Variants in HIBADH observed in about 807,000 individuals in gnomAD.
HIBADH encodes the protein 3-hydroxyisobutyrate dehydrogenase.
Under a neutral mutation model 36.1 loss-of-function variants are expected in HIBADH, and 25 were observed. That is an observed-to-expected ratio of 0.69 (90% CI 0.50 to 0.97). The LOEUF is 0.97. HIBADH is among the 50% of genes least tolerant of loss of function. HIBADH has a pLI of 0.00. For missense variants in HIBADH, 421 were observed against 418.0 expected, an observed-to-expected ratio of 1.01 and a Z score of -0.06; for synonymous variants, 160 against 149.5, an observed-to-expected ratio of 1.07 and a Z score of -0.51.
chr7:27,613,885 C>T (rs1297544331), intron 4 of HIBADH, among the ~76,000 whole-genome samples: 1 of 152,072 alleles, frequency 6.6e-6, no homozygotes, highest in African/African-American at 2.4e-5. Context: ...GTCTCAAACT[C>T]CTGGGCCCCA....
chr7:27,550,448 C>A (rs1251883534), intron 4 of HIBADH, among the ~76,000 whole-genome samples: 1 of 152,188 alleles, frequency 6.6e-6, no homozygotes, highest in Admixed American at 6.5e-5. Flanking sequence ...GTCTCCTCAT[C>A]TAACCCTTGC....
intron 6 of HIBADH, among the ~76,000 whole-genome samples, chr7:27,537,603 C>A (rs1440281116): frequency 2.0e-5 from 3 of 151,874 alleles, no homozygotes; most frequent in African/African-American, 7.3e-5. Context: ...ATAAAACATT[C>A]AAAAATTAAT....
At chr7:27,577,846 G>A (rs1433557467) in intron 4 of HIBADH, among the ~76,000 whole-genome samples, 1 of 152,176 alleles carries the variant, frequency 6.6e-6, no homozygotes, top group African/African-American at 2.4e-5. Flanking sequence ...GAACACATGG[G>A]TGTGGAGTGC....
At chr7:27,547,681 G>A (rs1583563240) in intron 4 of HIBADH, among the ~76,000 whole-genome samples, 1 of 152,144 alleles carries the variant, frequency 6.6e-6, no homozygotes, top group East Asian at 1.9e-4. Context: ...TGCTCACCCT[G>A]TTTCTTCATC....
rs547889025 is a variant in HIBADH, at chr7:27,590,524, G to C, written c.484+38847C>G. ...TTTCAGAAGCACTAAAAAACATCAA[G>C]GTTTCTCATGGAACCAAGTCAGCAA... On this transcript the variant is annotated intron_variant, in intron 4 of 7. Transcript: ENST00000265395. Among the ~76,000 whole-genome samples, 77 of 152,150 alleles carry C rather than the reference G, an allele frequency of 5.1e-4. No homozygotes were observed. The South Asian group carries it at 0.016, about 31-fold the overall frequency.
chr7:27,628,553 A>G lies in HIBADH; in HGVS notation c.484+818T>C, dbSNP rs1785688424. Among the ~76,000 whole-genome samples, 5 of 152,240 alleles carry G rather than the reference A, an allele frequency of 3.3e-5. No individual in the cohort carries two copies. In the South Asian group the frequency reaches 1.0e-3, roughly 32 times the overall value. ...ATTCCAAACTACCCAGATACCTGCT[A>G]TTAATGTATGAGTTAATAGTAAATT... is the stretch of plus-strand genomic sequence containing the variant. On this transcript the variant is annotated intron_variant, in intron 4 of 7. Coordinates refer to ENST00000265395, the MANE Select transcript of HIBADH (RefSeq NM_152740.4).
chr7:27,590,641 G>C (rs1784924877), intron 4 of HIBADH, among the ~76,000 whole-genome samples: 1 of 152,092 alleles, frequency 6.6e-6, no homozygotes, highest in Non-Finnish European at 1.5e-5. Context: ...AATCCCTTTA[G>C]AGCTCTACAT....
chr7:27,574,612 T>C (rs1414176555), intron 4 of HIBADH, among the ~76,000 whole-genome samples: 1 of 152,132 alleles, frequency 6.6e-6, no homozygotes, highest in South Asian at 2.1e-4. Context: ...GCTGCTCTAA[T>C]AGAGAAAAAA....
At chr7:27,529,767 G>A (rs1433987167) in intron 7 of HIBADH, among the ~76,000 whole-genome samples, 1 of 152,214 alleles carries the variant, frequency 6.6e-6, no homozygotes, top group Non-Finnish European at 1.5e-5. Flanking sequence ...TCTACTGTGG[G>A]TAAAATGCTA....
Position 27,662,835 on chromosome 7 carries a change from G to C in HIBADH, c.-47C>G. 3 of 1,396,436 alleles carry C rather than the reference G, an allele frequency of 2.1e-6. No homozygotes were observed. The highest frequency in any genetic ancestry group is 2.8e-5 in the South Asian group (2 of 72,038). The allele number at this position is 1,396,436 out of a possible 1,614,324, so 86.5% of individuals were successfully genotyped here. A position where few individuals can be genotyped will look rare whatever the true frequency, so the allele number is the denominator to read the frequency against. On this transcript the variant is annotated 5_prime_UTR_variant, in exon 1 of 8. Transcript: ENST00000265395. ...GCGGTGACCTCCGCCGCCTCCCGGAGGGCCCACAGACTGCGAGCGTGTGCA... is the reference window on the plus strand; with the variant it reads ...GCGGTGACCTCCGCCGCCTCCCGGACGGCCCACAGACTGCGAGCGTGTGCA...
At chr7:27,648,417 A>G (rs898508312) in intron 2 of HIBADH, among the ~76,000 whole-genome samples, 6 of 152,228 alleles carry the variant, frequency 3.9e-5, no homozygotes, top group Admixed American at 2.6e-4. Flanking sequence ...GGAAAGGAAA[A>G]AGATTCAGAT....
At chr7:27,576,811 T>G (rs1784717553) in intron 4 of HIBADH, among the ~76,000 whole-genome samples, 1 of 152,160 alleles carries the variant, frequency 6.6e-6, no homozygotes, top group East Asian at 1.9e-4. Flanking sequence ...ACCGTGGGGC[T>G]GGGTGTTTGG....
chr7:27,534,746 A>G (rs567732066), intron 6 of HIBADH, among the ~76,000 whole-genome samples: 1 of 152,196 alleles, frequency 6.6e-6, no homozygotes, highest in East Asian at 1.9e-4. Context: ...GAGACATGTT[A>G]GGAAGAAAAA....
chr7:27,534,660 A>G (rs1236412028), intron 6 of HIBADH, among the ~76,000 whole-genome samples: 8 of 152,102 alleles, frequency 5.3e-5, no homozygotes, highest in Non-Finnish European at 1.0e-4. Flanking sequence ...GAGTAAACAA[A>G]CCATTTCCCA....
At chr7:27,632,733 A>T (rs1785768945) in intron 2 of HIBADH, among the ~76,000 whole-genome samples, 1 of 152,228 alleles carries the variant, frequency 6.6e-6, no homozygotes, top group South Asian at 2.1e-4. Context: ...TCCTGGGAAC[A>T]GACACACTTC....
At chr7:27,567,042 AT>A (rs1784556918) in intron 4 of HIBADH, among the ~76,000 whole-genome samples, 1 of 152,142 alleles carries the variant, frequency 6.6e-6, no homozygotes, top group Admixed American at 6.5e-5. Context: ...AATTAGGTTC[AT>A]TTGATTGACG....
chr7:27,622,557 A>C (rs935592252), intron 4 of HIBADH, among the ~76,000 whole-genome samples: 68 of 152,316 alleles, frequency 4.5e-4, no homozygotes, highest in African/African-American at 1.4e-3. Flanking sequence ...CAGGAAAAGA[A>C]GAGAGAAGCC....
intron 4 of HIBADH, among the ~76,000 whole-genome samples, chr7:27,550,953 T>C (rs937147433): frequency 7.2e-5 from 11 of 152,180 alleles, no homozygotes; most frequent in Non-Finnish European, 1.6e-4. Flanking sequence ...TCTTGAAAAT[T>C]ACTGAGAGTA....
chr7:27,530,229 G>A (rs1168041269), intron 7 of HIBADH, among the ~76,000 whole-genome samples: 5 of 151,088 alleles, frequency 3.3e-5, no homozygotes, highest in Non-Finnish European at 2.9e-5. Flanking sequence ...TATTTGAGAC[G>A]AAGTCTCACT....
Sources: allele counts gnomAD v4.1 joint callset (sites outside exome capture counted in the v4.1 genomes callset), GRCh38; gene constraint gnomAD v4.1.1; transcripts MANE v1.5; gene names NCBI Gene and HGNC (gene_info 2026-07-23, HGNC 2026-07-21).